The following NCOR1 variants were observed in gnomAD, a reference collection of about 807,000 sequenced individuals.
NCOR1 encodes the protein protein phosphatase 1, regulatory subunit 109.
NCOR1 carries 63 observed loss-of-function variants against 288.1 expected under a neutral mutation model. That is an observed-to-expected ratio of 0.22 (90% CI 0.18 to 0.27). The LOEUF (loss-of-function observed/expected upper bound fraction) is 0.27, where lower values mean the gene tolerates loss of function less well. Ranked by LOEUF, NCOR1 falls within the 10% of genes least tolerant of loss-of-function variation. The pLI is 1.00. For missense variants in NCOR1, 2,397 were observed against 3,019.2 expected, an observed-to-expected ratio of 0.79 and a Z score of 4.83; for synonymous variants, 1,007 against 1,065.9, an observed-to-expected ratio of 0.94 and a Z score of 1.08.
chr17:16,126,731 TATA>T (rs1033972339), intron 14 of NCOR1, among the ~76,000 whole-genome samples: 2 of 152,308 alleles, frequency 1.3e-5, no homozygotes, highest in South Asian at 2.1e-4. Context: ...ATACTAAAGC[TATA>T]ATAAGGTGAA....
In NCOR1 at chr17:16,058,505, A is replaced by T; in HGVS notation, c.5976T>A (p.Tyr1992Ter). The T allele has an allele frequency of 6.2e-7, 1 of 1,614,054 alleles. No individual in the cohort carries two copies. The highest frequency in any genetic ancestry group is 8.5e-7 in the Non-Finnish European group (1 of 1,179,944). ...GATTTGCCTTAACAACCTCTGGCTG[A>T]TAGGTCTGCAGTTTCTCCTGGGGTG... Reference protein sequence around the residue: ...PAPPQEKLQTYQPEVVKANQA... With the variant: ...PAPPQEKLQT Residue 1992 changes from tyrosine (Y) to a stop codon, truncating the protein, a stop_gained, in exon 38 of 46, where the codon TAT (tyrosine) becomes TAA (stop). Coordinates refer to ENST00000268712, the MANE Select transcript of NCOR1 (RefSeq NM_006311.4). LOFTEE classifies it high-confidence loss of function.
At chr17:16,089,318 A>C (rs772074344) in intron 22 of NCOR1, among the ~76,000 whole-genome samples, 5 of 152,160 alleles carry the variant, frequency 3.3e-5, no homozygotes, top group Non-Finnish European at 7.4e-5. Flanking sequence ...TAGAAGTTCA[A>C]TTCTAACTCT....
intron 19 of NCOR1, among the ~76,000 whole-genome samples, chr17:16,106,560 A>G (rs1371347759): frequency 6.6e-6 from 1 of 152,142 alleles, no homozygotes; most frequent in Non-Finnish European, 1.5e-5. Context: ...GATGTGTTTT[A>G]GGAAAACAGA....
In NCOR1 at chr17:16,075,691, A is replaced by G. The variant is rs1488939275; in HGVS notation, c.3513T>C (p.Ala1171=). The G allele has an allele frequency of 1.9e-6, 3 of 1,614,120 alleles. No homozygotes were observed. Among genetic ancestry groups the G allele is most frequent in the Non-Finnish European group, 2.5e-6 (3 of 1,180,006 alleles). ...LRGSITQGTP[A]LPQTGIPTEA... ...CTGTTGGTATGCCAGTCTGGGGCAG[A>G]GCCGGGGTGCCCTGCCATCAAATCA... is the stretch of plus-strand genomic sequence containing the variant. Residue 1171 remains alanine, a synonymous_variant, in exon 27 of 46, where the codon GCT becomes GCC. Transcript: ENST00000268712.
At position 16,030,522 on chromosome 17, in the gene NCOR1, A is replaced by C. The variant is rs1971823360; in HGVS notation, c.*1774T>G. The C allele has an allele frequency of 5.1e-6, 1 of 195,272 alleles. No homozygotes were observed. The highest frequency in any genetic ancestry group is 2.3e-5 in the African/African-American group (1 of 43,158). 12.1% of individuals were successfully genotyped at this position (195,272 alleles called of 1,614,324 possible). ...AAAAAAAATTCAGCAGAAAACTGTG[A>C]AGTGGAACATTTAGTCACTGTTTTT... On this transcript the variant is annotated 3_prime_UTR_variant, in exon 46 of 46. Transcript: ENST00000268712.
chr17:16,173,740 AC>A (rs1161223461), intron 3 of NCOR1, among the ~76,000 whole-genome samples: 5 of 151,906 alleles, frequency 3.3e-5, no homozygotes, highest in Admixed American at 6.6e-5. Flanking sequence ...GACCAGCCTG[AC>A]CAACATGGAG....
At chr17:16,126,698 T>C (rs2074113969) in intron 14 of NCOR1, among the ~76,000 whole-genome samples, 1 of 152,206 alleles carries the variant, frequency 6.6e-6, no homozygotes. Flanking sequence ...TGGTCGTTAC[T>C]AAGACTGAAG....
At chr17:16,085,632 T>C (rs1419871143) in intron 23 of NCOR1, among the ~76,000 whole-genome samples, 1 of 152,196 alleles carries the variant, frequency 6.6e-6, no homozygotes. Context: ...TTTGATTCCA[T>C]TCACAGGAAG....
rs146771713 is a variant in NCOR1 at position 16,051,588 on chromosome 17, C to T, written c.6393-2600G>A. On this transcript the variant is annotated intron_variant, in intron 40 of 45. Coordinates refer to ENST00000268712, the MANE Select transcript of NCOR1 (RefSeq NM_006311.4). The stretch of plus-strand genomic sequence containing the variant: ...AGCTAACATCACAACCAAGAGCAAA[C>T]AAATCCCAAAGCTAGCAGAAGACAA... 6.1e-3 allele frequency among the ~76,000 whole-genome samples: 931 copies of T among 152,194 alleles called. 7 individuals carry two copies. Among genetic ancestry groups the T allele is most frequent in the African/African-American group, 0.022 (903 of 41,520 alleles).
chr17:16,194,697 T>C, intron 1 of NCOR1, 58 bp from the exon 2 acceptor site: 1 of 522,118 alleles, frequency 1.9e-6, no homozygotes. Context: ...AGTGTACTTC[T>C]AATAAATTAT....
At chr17:16,075,479 T>C in intron 27 of NCOR1, 55 bp downstream of exon 27, 1 of 1,571,078 alleles carries the variant, frequency 6.4e-7, no homozygotes, top group Non-Finnish European at 8.7e-7. Context: ...AACCCAAGCC[T>C]ATGTTTTTAG....
intron 15 of NCOR1, among the ~76,000 whole-genome samples, chr17:16,123,317 G>T (rs2073377205): frequency 6.6e-6 from 1 of 152,024 alleles, no homozygotes; most frequent in African/African-American, 2.4e-5. Flanking sequence ...TTTCATCTCA[G>T]AAATGCCTCT....
At chr17:16,149,668 A>C in intron 8 of NCOR1, 151 bp from the exon 9 acceptor site, 2 of 408,618 alleles carry the variant, frequency 4.9e-6, no homozygotes, top group South Asian at 1.1e-4. Context: ...TTACCCTGCA[A>C]AATAAGATTT....
intron 22 of NCOR1, chr17:16,087,247 T>C: frequency 1.5e-6 from 2 of 1,304,296 alleles, no homozygotes; most frequent in South Asian, 2.5e-5. Context: ...GGAGAAAGCC[T>C]ACACGGTGAG....
chr17:16,054,979 A>G (rs532417559), intron 40 of NCOR1, among the ~76,000 whole-genome samples: 2 of 152,258 alleles, frequency 1.3e-5, no homozygotes, highest in Non-Finnish European at 2.9e-5. Context: ...AAAATGAGAC[A>G]CCATCTCACA....
At chr17:16,071,265 GAAA>G (rs369346520) in intron 30 of NCOR1, 141 bp downstream of exon 30, 54 of 1,020,336 alleles carry the variant, frequency 5.3e-5, no homozygotes, top group Non-Finnish European at 5.4e-5. Context: ...GTCCACAGAG[GAAA>G]AAAAAAAAAG....
rs779164922 is a variant in NCOR1, at chr17:16,126,123, T to C, written c.1593A>G (p.Glu531=). The C allele has an allele frequency of 2.2e-5, 34 of 1,516,264 alleles. No homozygotes were observed. Among genetic ancestry groups the C allele is most frequent in the Non-Finnish European group, 3.1e-5 (34 of 1,114,002 alleles). The allele number at this position is 1,516,264 out of a possible 1,614,324, so 93.9% of individuals were successfully genotyped here. Residue 531 remains glutamate (E), a synonymous_variant, in exon 15 of 46, where the codon GAA becomes GAG. Transcript: ENST00000268712. Reference sequence around the variant, plus strand: ...CATCTTTTTCCTCTTCATCTTTCTTTTCTTCTTCTTTTTTTTCTGTTTTTT... The same window carrying C: ...CATCTTTTTCCTCTTCATCTTTCTTCTCTTCTTCTTTTTTTTCTGTTTTTT... ...KAEKTEKKEE[E]KKDEEEKDEK...
intron 1 of NCOR1, among the ~76,000 whole-genome samples, chr17:16,197,368 A>T (rs905201634): frequency 1.3e-5 from 2 of 152,016 alleles, no homozygotes; most frequent in African/African-American, 4.8e-5. Context: ...CATGTAATAT[A>T]TAAATATTTT....
intron 45 of NCOR1, 54 bp from the exon 46 acceptor site, chr17:16,032,537 C>G (rs1239903243): frequency 5.4e-6 from 8 of 1,488,570 alleles, no homozygotes; most frequent in Middle Eastern, 3.6e-4. Context: ...GGTATTTCAT[C>G]CAATCCAACT....
Sources: gnomAD v4.1 joint callset for allele counts (sites outside exome capture counted in the v4.1 genomes callset) on GRCh38, gnomAD v4.1.1 for gene constraint, MANE v1.5 for transcripts, NCBI Gene and HGNC (gene_info 2026-07-23, HGNC 2026-07-21) for gene names.